The following VDAC1 variants were observed in gnomAD, a reference collection of about 807,000 sequenced individuals.
VDAC1 encodes voltage dependent anion channel 1, also known as non-selective voltage-gated ion channel VDAC1.
VDAC1 carries 10 observed loss-of-function variants against 34.7 expected under a neutral mutation model. That is an observed-to-expected ratio of 0.29 (90% CI 0.18 to 0.49). VDAC1 has a LOEUF of 0.49. VDAC1 is among the 20% of genes least tolerant of loss of function. VDAC1 has a pLI of 0.99. For synonymous variants in VDAC1, 130 were observed against 136.0 expected (o/e 0.96, Z 0.30); for missense variants, 230 against 347.9 (o/e 0.66, Z 2.69).
the VDAC1 span, among the ~76,000 whole-genome samples, chr5:134,034,771 A>C: frequency 6.6e-6 from 1 of 152,066 alleles, no homozygotes; most frequent in African/African-American, 2.4e-5. Context: ...GGTTTCCACT[A>C]TGGAGGAAAG....
the VDAC1 span, among the ~76,000 whole-genome samples, chr5:134,059,089 A>C: frequency 1.3e-5 from 2 of 152,216 alleles, no homozygotes; most frequent in Non-Finnish European, 2.9e-5. Context: ...GCCATGAGTC[A>C]CAAATTACAG....
At chr5:134,011,726 G>T in the VDAC1 span, among the ~76,000 whole-genome samples, 2 of 148,646 alleles carry the variant, frequency 1.3e-5, no homozygotes, top group African/African-American at 5.0e-5. Context: ...TGCAACCTCC[G>T]CCTCCTGGGT....
chr5:134,042,258 G>A, the VDAC1 span, among the ~76,000 whole-genome samples: 3 of 152,130 alleles, frequency 2.0e-5, no homozygotes, highest in Admixed American at 6.5e-5. Context: ...GCTTGGGGGG[G>A]ACCAGGCCCT....
the VDAC1 span, among the ~76,000 whole-genome samples, chr5:134,028,742 T>C: frequency 7.9e-5 from 12 of 152,280 alleles, no homozygotes; most frequent in East Asian, 2.3e-3. Context: ...GGTAGGCAAA[T>C]GTGACTGTAC....
chr5:134,111,122 G>A, the VDAC1 span, among the ~76,000 whole-genome samples: 1 of 152,178 alleles, frequency 6.6e-6, no homozygotes, highest in South Asian at 2.1e-4. Flanking sequence ...AACCTATGGG[G>A]AGACTGAGGC....
At chr5:134,113,713 C>T in the VDAC1 span, among the ~76,000 whole-genome samples, 1 of 152,262 alleles carries the variant, frequency 6.6e-6, no homozygotes, top group African/African-American at 2.4e-5. Flanking sequence ...TGGACGCAGA[C>T]CCGGGTGCCA....
chr5:133,978,836 A>G (rs1313860976), intron 6 of VDAC1, among the ~76,000 whole-genome samples: 2 of 152,062 alleles, frequency 1.3e-5, no homozygotes, highest in Non-Finnish European at 2.9e-5. Flanking sequence ...AACATGGCGA[A>G]ATCCTGCCTC....
At chr5:134,100,042 T>C in the VDAC1 span, among the ~76,000 whole-genome samples, 1 of 152,254 alleles carries the variant, frequency 6.6e-6, no homozygotes, top group Non-Finnish European at 1.5e-5. Context: ...CCCAGCCTTA[T>C]GTGGCTGGCC....
At chr5:133,979,593 C>G (rs1228079327) in intron 6 of VDAC1, among the ~76,000 whole-genome samples, 8 of 151,936 alleles carry the variant, frequency 5.3e-5, no homozygotes, top group Non-Finnish European at 1.0e-4. Flanking sequence ...CCACGCCCAG[C>G]TAATTTTTGT....
At chr5:134,068,130 A>T in the VDAC1 span, among the ~76,000 whole-genome samples, 1 of 152,138 alleles carries the variant, frequency 6.6e-6, no homozygotes, top group Non-Finnish European at 1.5e-5. Context: ...AAAAAAATAC[A>T]AAACAAAAAC....
At chr5:133,992,803 C>T in intron 2 of VDAC1, 143 bp downstream of exon 2, 1 of 799,544 alleles carries the variant, frequency 1.3e-6, no homozygotes. Context: ...ACAATTGCCA[C>T]ACAAATGAAA....
upstream of VDAC1, among the ~76,000 whole-genome samples, chr5:134,008,213 A>G (rs1183817882): frequency 2.0e-5 from 3 of 151,342 alleles, no homozygotes; most frequent in African/African-American, 4.9e-5. Context: ...TCCTGGGGCT[A>G]CAGGAATAAA....
At chr5:134,014,438 A>T in the VDAC1 span, among the ~76,000 whole-genome samples, 1 of 152,222 alleles carries the variant, frequency 6.6e-6, no homozygotes, top group Non-Finnish European at 1.5e-5. Context: ...GTTAAAAAAT[A>T]GTTGTTGGAA....
the VDAC1 span, among the ~76,000 whole-genome samples, chr5:134,099,588 T>G: frequency 6.6e-6 from 1 of 152,118 alleles, no homozygotes; most frequent in Non-Finnish European, 1.5e-5. Context: ...TTTTTTTAAC[T>G]TTTACTTTTT....
chr5:134,032,385 T>C, the VDAC1 span, among the ~76,000 whole-genome samples: 4 of 152,132 alleles, frequency 2.6e-5, no homozygotes, highest in Admixed American at 2.0e-4. Flanking sequence ...ACAGCAGCAA[T>C]AGGAAACCAA....
At chr5:134,093,354 T>C in the VDAC1 span, among the ~76,000 whole-genome samples, 1 of 145,650 alleles carries the variant, frequency 6.9e-6, no homozygotes, top group Non-Finnish European at 1.5e-5. Flanking sequence ...CACACACGCA[T>C]ATAAGTGTGT....
At chr5:134,006,540 C>G (rs1753754402), upstream of VDAC1, among the ~76,000 whole-genome samples, 1 of 151,988 alleles carries the variant, frequency 6.6e-6, no homozygotes. Context: ...GCCAGGACTT[C>G]GAGACCAGCC....
chr5:134,063,327 G>A, the VDAC1 span, among the ~76,000 whole-genome samples: 1 of 152,116 alleles, frequency 6.6e-6, no homozygotes, highest in African/African-American at 2.4e-5. Context: ...TATTTAGGGA[G>A]GGTTGATTTA....
chr5:133,980,689 A>ACCG, intron 6 of VDAC1, 40 bp downstream of exon 6: 1 of 564,058 alleles, frequency 1.8e-6, no homozygotes. Context: ...ACATGCTCCA[A>ACCG]CCCCACCCCT....
Sources: gnomAD v4.1 joint callset for allele counts (sites outside exome capture counted in the v4.1 genomes callset) on GRCh38, gnomAD v4.1.1 for gene constraint, MANE v1.5 for transcripts, NCBI Gene and HGNC (gene_info 2026-07-23, HGNC 2026-07-21) for gene names.